Variants in EPB41L5 observed in about 807,000 individuals in gnomAD.
The protein encoded by EPB41L5 is erythrocyte membrane protein band 4.1 like 5, also known as band 4.1-like protein 5.
In EPB41L5, 55 loss-of-function variants were observed where a neutral mutation model predicts 106.6. That is an observed-to-expected ratio of 0.52 (90% confidence interval 0.42 to 0.65). EPB41L5 has a LOEUF of 0.65. EPB41L5 is among the 30% of genes least tolerant of loss of function. The pLI is 0.00. For missense variants in EPB41L5, 871 were observed against 882.1 expected (o/e 0.99, Z 0.16); for synonymous variants, 297 against 306.7 (o/e 0.97, Z 0.33).
At chr2:120,122,137 C>G (rs1464074514) in intron 16 of EPB41L5, among the ~76,000 whole-genome samples, 1 of 152,202 alleles carries the variant, frequency 6.6e-6, no homozygotes, top group African/African-American at 2.4e-5. Flanking sequence ...CCTGTTCACT[C>G]TGATGGTAGT....
chr2:120,055,090 C>A (rs1196612563), intron 3 of EPB41L5, among the ~76,000 whole-genome samples: 1 of 152,036 alleles, frequency 6.6e-6, no homozygotes, highest in Non-Finnish European at 1.5e-5. Context: ...GTCCCAAACT[C>A]GACCTCAGGC....
intron 16 of EPB41L5, chr2:120,107,035 C>T (rs1684494878): frequency 1.8e-6 from 1 of 547,502 alleles, no homozygotes; most frequent in Non-Finnish European, 2.3e-6. Flanking sequence ...AAAGTGTTGG[C>T]CAAAAAATGT....
intron 3 of EPB41L5, among the ~76,000 whole-genome samples, chr2:120,054,673 G>C (rs1034079678): frequency 6.6e-6 from 1 of 151,782 alleles, no homozygotes; most frequent in South Asian, 2.1e-4. Context: ...GTTAATTTTT[G>C]TATATGCTAT....
intron 20 of EPB41L5, among the ~76,000 whole-genome samples, chr2:120,150,457 G>A (rs1457992322): frequency 6.6e-6 from 1 of 151,844 alleles, no homozygotes; most frequent in Non-Finnish European, 1.5e-5. Context: ...GAGTAGCTAG[G>A]ATTACAGGCA....
intron 3 of EPB41L5, among the ~76,000 whole-genome samples, chr2:120,057,284 A>G (rs868746355): frequency 1.6e-4 from 24 of 152,358 alleles, no homozygotes; most frequent in Middle Eastern, 3.4e-3. Context: ...TTATTCTGGT[A>G]AACCAGAATA....
rs540795801 is a variant in EPB41L5, at chr2:120,151,561, C to T, written c.1793+5272C>T. 4.4e-3 allele frequency among the ~76,000 whole-genome samples: 670 copies of T among 151,568 alleles called. 4 individuals are homozygous for T. Among genetic ancestry groups the T allele is most frequent in the African/African-American group, 0.015 (635 of 41,300 alleles). ...CACTGACCTCATGATCCACCCACCT[C>T]GGCCTCCCAAAGTGCTGGGATTACA... On this transcript the variant is annotated intron_variant, in intron 20 of 24. Coordinates refer to ENST00000263713, the MANE Select transcript of EPB41L5 (RefSeq NM_020909.4).
chr2:120,099,181 A>T (rs1683968933), intron 14 of EPB41L5, among the ~76,000 whole-genome samples: 1 of 151,942 alleles, frequency 6.6e-6, no homozygotes, highest in Non-Finnish European at 1.5e-5. Context: ...TTTTTGAATT[A>T]TTTTTTACAT....
chr2:120,162,356 A>T (rs150474439), intron 21 of EPB41L5, among the ~76,000 whole-genome samples: 2 of 152,380 alleles, frequency 1.3e-5, no homozygotes, highest in South Asian at 4.1e-4. Flanking sequence ...TTGCCCTTGC[A>T]TGAACACTTA....
At chr2:120,014,862 T>A (rs1677403001) in intron 1 of EPB41L5, among the ~76,000 whole-genome samples, 1 of 151,382 alleles carries the variant, frequency 6.6e-6, no homozygotes, top group Non-Finnish European at 1.5e-5. Flanking sequence ...AGAACAGGGA[T>A]CAGATTTGTG....
At chr2:120,136,885 G>A (rs1685945305) in intron 18 of EPB41L5, among the ~76,000 whole-genome samples, 1 of 151,820 alleles carries the variant, frequency 6.6e-6, no homozygotes, top group African/African-American at 2.4e-5. Context: ...TAGACCAATG[G>A]ACCTAATAGA....
chr2:120,107,705 A>G (rs1170947175), intron 16 of EPB41L5, among the ~76,000 whole-genome samples: 1 of 152,158 alleles, frequency 6.6e-6, no homozygotes, highest in African/African-American at 2.4e-5. Context: ...CTTTTGCAGA[A>G]CATAAACATT....
rs772249922 is a variant in EPB41L5, at chr2:120,177,409, G to A, written c.*2502G>A. 18 of 152,400 alleles carry A rather than the reference G, an allele frequency of 1.2e-4. No individual in the cohort carries two copies. Among genetic ancestry groups the A allele is most frequent in the Non-Finnish European group, 1.8e-4 (12 of 68,132 alleles). The allele number at this position is 152,400 out of a possible 1,614,324, so 9.4% of individuals were successfully genotyped here. On this transcript the variant is annotated 3_prime_UTR_variant, in exon 25 of 25. Transcript: ENST00000263713. ...GCCTCGGACGGAGCACGGTGGGGTG[G>A]CGGGGAGCAGATAGTGCTGCCTCCC...
At chr2:120,060,245 A>C (rs533281419) in intron 3 of EPB41L5, among the ~76,000 whole-genome samples, 1 of 152,340 alleles carries the variant, frequency 6.6e-6, no homozygotes, top group South Asian at 2.1e-4. Flanking sequence ...CCATATGACT[A>C]ATCAGTTGTA....
At position 120,146,200 on chromosome 2, in the gene EPB41L5, T is replaced by G. The variant is rs201158933; in HGVS notation, c.1729-25T>G. The G allele has an allele frequency of 5.7e-4, 808 of 1,425,752 alleles. No individual in the cohort carries two copies. The highest frequency in any genetic ancestry group is 7.6e-4 in the Non-Finnish European group (772 of 1,017,538). 88.3% of individuals were successfully genotyped at this position (1,425,752 alleles called of 1,614,324 possible). On this transcript the variant is annotated intron_variant, in intron 19 of 24. Coordinates refer to ENST00000263713, the MANE Select transcript of EPB41L5 (RefSeq NM_020909.4). Reference sequence around the variant, plus strand: ...TTTAGTATCCTCAATAAAGATTTACTTTTTTTAATATTTCATTTTCTTAGG... The same window carrying G: ...TTTAGTATCCTCAATAAAGATTTACGTTTTTTAATATTTCATTTTCTTAGG...
intron 1 of EPB41L5, among the ~76,000 whole-genome samples, chr2:120,014,945 T>G (rs1677409900): frequency 7.0e-6 from 1 of 143,590 alleles, no homozygotes; most frequent in African/African-American, 2.6e-5. Flanking sequence ...GAAAAGTGAG[T>G]ATGAGAAAAC....
chr2:120,074,009 C>T, intron 4 of EPB41L5, 91 bp from the exon 5 acceptor site: 1 of 926,306 alleles, frequency 1.1e-6, no homozygotes, highest in Non-Finnish European at 1.6e-6. Context: ...TCTTTTGTCT[C>T]ACTTCAGTAG....
intron 16 of EPB41L5, among the ~76,000 whole-genome samples, chr2:120,124,845 A>G (rs1468077114): frequency 6.6e-6 from 1 of 152,070 alleles, no homozygotes; most frequent in Non-Finnish European, 1.5e-5. Flanking sequence ...ATGTCTCTCA[A>G]CTTAGATTTG....
At chr2:120,077,569 T>G (rs1290442703) in intron 9 of EPB41L5, among the ~76,000 whole-genome samples, 1 of 152,178 alleles carries the variant, frequency 6.6e-6, no homozygotes, top group African/African-American at 2.4e-5. Flanking sequence ...TTATTTTATT[T>G]TATTTTATTT....
chr2:120,142,113 TAA>T (rs59204598), intron 18 of EPB41L5, among the ~76,000 whole-genome samples: 3,303 of 143,112 alleles, frequency 0.023, 143 homozygotes, highest in African/African-American at 0.081. Context: ...CTTTCTTTTT[TAA>T]AAAAAAAAAA....
Sources: gnomAD v4.1 joint callset for allele counts (sites outside exome capture counted in the v4.1 genomes callset) on GRCh38, gnomAD v4.1.1 for gene constraint, MANE v1.5 for transcripts, NCBI Gene and HGNC (gene_info 2026-07-23, HGNC 2026-07-21) for gene names.